Variants in CFAP61 observed in about 807,000 individuals in gnomAD.
CFAP61 encodes the protein cilia and flagella associated protein 61.
In CFAP61, 107 loss-of-function variants were observed where a neutral mutation model predicts 135.6. That is an observed-to-expected ratio of 0.79 (90% CI 0.67 to 0.93). The LOEUF is 0.93. CFAP61 is among the 40% of genes least tolerant of loss of function. The pLI is 0.00. For synonymous variants in CFAP61, 575 were observed against 578.5 expected, an observed-to-expected ratio of 0.99 and a Z score of 0.09; for missense variants, 1,507 against 1,556.2, an observed-to-expected ratio of 0.97 and a Z score of 0.53.
At chr20:20,314,012 T>A (rs1601955304) in intron 25 of CFAP61, among the ~76,000 whole-genome samples, 1 of 152,126 alleles carries the variant, frequency 6.6e-6, no homozygotes, top group Non-Finnish European at 1.5e-5. Flanking sequence ...GCACCAGCTA[T>A]TCATGAGGCA....
intron 26 of CFAP61, among the ~76,000 whole-genome samples, chr20:20,358,705 TG>T (rs1163397736): frequency 1.3e-5 from 2 of 152,200 alleles, no homozygotes; most frequent in African/African-American, 4.8e-5. Context: ...TTCCAATGTG[TG>T]CATAATCTCC....
At chr20:20,074,507 A>G (rs1392141419) in intron 4 of CFAP61, 129 bp downstream of exon 4, 4 of 736,910 alleles carry the variant, frequency 5.4e-6, no homozygotes, top group Non-Finnish European at 9.4e-6. Flanking sequence ...ATATTAAAAT[A>G]TTTACTTTGA....
chr20:20,325,741 T>C (rs1361492606), intron 25 of CFAP61, among the ~76,000 whole-genome samples: 1 of 152,186 alleles, frequency 6.6e-6, no homozygotes, highest in African/African-American at 2.4e-5. Context: ...GGAACACAAT[T>C]TTGGATGATG....
At chr20:20,219,692 C>A (rs911649502) in intron 17 of CFAP61, among the ~76,000 whole-genome samples, 6 of 152,114 alleles carry the variant, frequency 3.9e-5, no homozygotes, top group African/African-American at 9.7e-5. Context: ...TCACAAAAAT[C>A]TGAGAATAAA....
At chr20:20,101,412 C>G (rs1438601331) in intron 8 of CFAP61, among the ~76,000 whole-genome samples, 2 of 152,018 alleles carry the variant, frequency 1.3e-5, no homozygotes, top group African/African-American at 4.8e-5. Context: ...GAGGTTCTCT[C>G]CATTTTTTAC....
intron 13 of CFAP61, among the ~76,000 whole-genome samples, chr20:20,176,431 GA>G (rs149639166): frequency 0.2 from 30,915 of 152,040 alleles, 3,507 homozygotes; most frequent in African/African-American, 0.29. Flanking sequence ...TACTTGCAAA[GA>G]CATGGAATTA....
Position 20,290,281 on chromosome 20 carries a change from A to T in CFAP61, c.3125-19A>T. The stretch of plus-strand genomic sequence containing the variant: ...CATTAACAATTAATTTTAAATGGAA[A>T]ACTTGCCATCTCTTCTAGGGGGCAT... On this transcript the variant is annotated intron_variant, in intron 23 of 26. Transcript: ENST00000245957. 6.6e-7 allele frequency: 1 copy of T among 1,515,250 alleles called. No homozygotes were observed. 93.9% of individuals were successfully genotyped at this position (1,515,250 alleles called of 1,614,324 possible).
chr20:20,070,790 T>C (rs987910600), intron 2 of CFAP61, 64 bp from the exon 3 acceptor site: 1 of 1,495,084 alleles, frequency 6.7e-7, no homozygotes, highest in Non-Finnish European at 9.1e-7. Flanking sequence ...GGGAAAAAAA[T>C]GGCATGTCCT....
intron 25 of CFAP61, among the ~76,000 whole-genome samples, chr20:20,328,956 T>C (rs1287505682): frequency 1.3e-5 from 2 of 152,200 alleles, no homozygotes; most frequent in Non-Finnish European, 2.9e-5. Flanking sequence ...CTCCTTCTTA[T>C]CAAGAAACCC....
At chr20:20,263,441 C>A (rs2052432611) in intron 21 of CFAP61, among the ~76,000 whole-genome samples, 1 of 151,928 alleles carries the variant, frequency 6.6e-6, no homozygotes. Context: ...ATTTAATAAG[C>A]AAACATGTTT....
chr20:20,320,062 G>T (rs1476292283), intron 25 of CFAP61, among the ~76,000 whole-genome samples: 1 of 151,742 alleles, frequency 6.6e-6, no homozygotes, highest in Middle Eastern at 3.4e-3. Flanking sequence ...ATTAAATACA[G>T]AGTGGGAAAC....
At chr20:20,233,625 C>T (rs943463747) in intron 18 of CFAP61, among the ~76,000 whole-genome samples, 6 of 152,182 alleles carry the variant, frequency 3.9e-5, no homozygotes, top group African/African-American at 1.2e-4. Flanking sequence ...TCTCCCCAGG[C>T]AGCAAGAGTT....
At chr20:20,069,426 T>A (rs1392152818) in intron 2 of CFAP61, among the ~76,000 whole-genome samples, 2 of 152,142 alleles carry the variant, frequency 1.3e-5, no homozygotes, top group Non-Finnish European at 2.9e-5. Flanking sequence ...ATTACAGGCA[T>A]GTACCACCAC....
At chr20:20,118,200 G>A (rs1485870617) in intron 8 of CFAP61, among the ~76,000 whole-genome samples, 2 of 151,810 alleles carry the variant, frequency 1.3e-5, no homozygotes, top group African/African-American at 4.8e-5. Context: ...TTTTCATTTA[G>A]TATGATGTTA....
At chr20:20,246,256 T>TC in intron 19 of CFAP61, 41 bp downstream of exon 19, 1 of 1,199,704 alleles carries the variant, frequency 8.3e-7, no homozygotes, top group South Asian at 1.2e-5. Context: ...GGCCTAAATG[T>TC]CCTACTCTGT....
chr20:20,178,076 T>C (rs2054773308), intron 13 of CFAP61, among the ~76,000 whole-genome samples: 1 of 152,216 alleles, frequency 6.6e-6, no homozygotes, highest in Admixed American at 6.5e-5. Flanking sequence ...GGAAATTATA[T>C]TTGTGTCTGT....
intron 25 of CFAP61, among the ~76,000 whole-genome samples, chr20:20,326,941 C>G (rs1468818746): frequency 2.6e-5 from 4 of 151,966 alleles, no homozygotes; most frequent in Non-Finnish European, 4.4e-5. Flanking sequence ...AAATTTTCTT[C>G]CATGAACTCT....
intron 24 of CFAP61, among the ~76,000 whole-genome samples, chr20:20,291,530 T>G (rs933225770): frequency 6.6e-6 from 1 of 152,226 alleles, no homozygotes; most frequent in African/African-American, 2.4e-5. Context: ...TCCTCTATTG[T>G]CTGGTTGTAT....
chr20:20,115,791 C>T (rs1193226272), intron 8 of CFAP61, among the ~76,000 whole-genome samples: 1 of 152,108 alleles, frequency 6.6e-6, no homozygotes, highest in Non-Finnish European at 1.5e-5. Flanking sequence ...AATGGCTGAA[C>T]AATATTCGAT....
Sources: gnomAD v4.1 joint callset for allele counts (sites outside exome capture counted in the v4.1 genomes callset) on GRCh38, gnomAD v4.1.1 for gene constraint, MANE v1.5 for transcripts, NCBI Gene and HGNC (gene_info 2026-07-23, HGNC 2026-07-21) for gene names.